Variants in QTGAL observed in about 807,000 individuals in gnomAD.
The protein encoded by QTGAL is queuosine-tRNA galactosyltransferase.
the QTGAL span, among the ~76,000 whole-genome samples, chr17:83,002,042 G>A: frequency 1.4e-5 from 2 of 143,184 alleles, no homozygotes; most frequent in African/African-American, 5.3e-5. Flanking sequence ...GATTATAGGC[G>A]TGAGCCACTG....
chr17:82,973,516 C>A, the QTGAL span, among the ~76,000 whole-genome samples: 1 of 152,000 alleles, frequency 6.6e-6, no homozygotes, highest in South Asian at 2.1e-4. Flanking sequence ...TCCAGCAGCA[C>A]ATGACGCCCG....
the QTGAL span, among the ~76,000 whole-genome samples, chr17:82,962,641 T>C: frequency 4.7e-5 from 7 of 150,038 alleles, no homozygotes; most frequent in African/African-American, 1.7e-4. Context: ...CCGCGGGTGC[T>C]GGTGGACACG....
chr17:82,978,622 C>G, the QTGAL span: 1 of 152,158 alleles, frequency 6.6e-6, no homozygotes, highest in Non-Finnish European at 1.5e-5. This position sits in a 1 kb window ranked among gnomAD's most constrained non-coding sequence, Gnocchi z 4.8. Context: ...AATCAGGTCA[C>G]TCGTACGTTT....
chr17:83,049,602 A>G, the QTGAL span, among the ~76,000 whole-genome samples: 2 of 151,948 alleles, frequency 1.3e-5, no homozygotes, highest in African/African-American at 4.8e-5. Flanking sequence ...TCGGCAAACC[A>G]TGTTAGAAAA....
the QTGAL span, among the ~76,000 whole-genome samples, chr17:82,998,808 A>C: frequency 2.6e-4 from 40 of 152,242 alleles, no homozygotes; most frequent in African/African-American, 9.4e-4. Context: ...TTCAACACAA[A>C]AATGGGCAAA....
chr17:82,957,200 T>C, the QTGAL span: 105 of 1,614,044 alleles, frequency 6.5e-5, 1 homozygote, highest in Non-Finnish European at 5.1e-6. Context: ...CTCGTGGCAA[T>C]AGAAGCCTTT....
the QTGAL span, among the ~76,000 whole-genome samples, chr17:83,023,222 C>T: frequency 1.2e-5 from 1 of 86,360 alleles, no homozygotes; most frequent in East Asian, 4.3e-4. Flanking sequence ...GCACTGTCCC[C>T]GGCCCACCTG....
the QTGAL span, chr17:83,005,761 G>A: frequency 2.3e-6 from 2 of 873,746 alleles, no homozygotes; most frequent in East Asian, 2.7e-5. This position sits in a 1 kb window ranked among gnomAD's most constrained non-coding sequence, Gnocchi z 5.6. Flanking sequence ...CCTGCCTCAG[G>A]TGACATCCTG....
the QTGAL span, among the ~76,000 whole-genome samples, chr17:82,962,247 A>G: frequency 6.6e-6 from 1 of 152,194 alleles, no homozygotes; most frequent in African/African-American, 2.4e-5. Context: ...CTATGGTTCC[A>G]CGTCCAAAAA....
the QTGAL span, among the ~76,000 whole-genome samples, chr17:82,986,200 T>C: frequency 6.6e-6 from 1 of 152,124 alleles, no homozygotes; most frequent in African/African-American, 2.4e-5. Flanking sequence ...CAGCCCACAG[T>C]TTGGGCTTGC....
chr17:83,051,531 C>T, the QTGAL span, among the ~76,000 whole-genome samples: 2 of 152,182 alleles, frequency 1.3e-5, no homozygotes, highest in African/African-American at 4.8e-5. Context: ...GGCCGCGCCC[C>T]GCGGGCTCCA....
the QTGAL span, among the ~76,000 whole-genome samples, chr17:82,973,471 G>A: frequency 2.0e-5 from 3 of 152,162 alleles, no homozygotes; most frequent in African/African-American, 7.2e-5. Flanking sequence ...GGGGAGCAGC[G>A]CTCCTGAGAA....
At chr17:82,959,421 G>A in the QTGAL span, among the ~76,000 whole-genome samples, 1,373 of 151,434 alleles carry the variant, frequency 9.1e-3, 13 homozygotes, top group Middle Eastern at 0.051. Context: ...TTTCGTGCAC[G>A]TATGTGTGTG....
the QTGAL span, among the ~76,000 whole-genome samples, chr17:83,050,188 T>G: frequency 6.6e-6 from 1 of 152,130 alleles, no homozygotes; most frequent in South Asian, 2.1e-4. Flanking sequence ...CTGACCAACA[T>G]GGAGAAACCC....
chr17:82,944,809 T>C, the QTGAL span: 1 of 152,178 alleles, frequency 6.6e-6, no homozygotes, highest in East Asian at 1.9e-4. Flanking sequence ...AGTCACGCTA[T>C]TTTGATAGCA....
the QTGAL span, among the ~76,000 whole-genome samples, chr17:82,966,800 TCA>T: frequency 6.6e-6 from 1 of 152,164 alleles, no homozygotes; most frequent in Non-Finnish European, 1.5e-5. Context: ...GAGGCACAAA[TCA>T]CAGCAGAAGA....
At chr17:83,018,156 T>C in the QTGAL span, among the ~76,000 whole-genome samples, 2 of 150,512 alleles carry the variant, frequency 1.3e-5, no homozygotes, top group Non-Finnish European at 2.9e-5. Flanking sequence ...CCACACATGC[T>C]CCGCGAACAT....
chr17:82,994,909 C>A, the QTGAL span, among the ~76,000 whole-genome samples: 1 of 152,182 alleles, frequency 6.6e-6, no homozygotes, highest in Non-Finnish European at 1.5e-5. Context: ...TAATGTGATA[C>A]ATCATGTCAA....
the QTGAL span, among the ~76,000 whole-genome samples, chr17:83,007,584 G>A: frequency 6.6e-6 from 1 of 152,060 alleles, no homozygotes. Context: ...TGGGCGACAG[G>A]TGAGTACACG....
Sources: gnomAD v4.1 joint callset for allele counts (sites outside exome capture counted in the v4.1 genomes callset) on GRCh38, gnomAD v4.1.1 for gene constraint, Gnocchi (gnomAD v3.1) non-coding constraint, MANE v1.5 for transcripts, NCBI Gene and HGNC (gene_info 2026-07-23, HGNC 2026-07-21) for gene names.